WWP1: variants seen among roughly 807,000 people sequenced by gnomAD.
The protein encoded by WWP1 is NEDD4-like E3 ubiquitin-protein ligase WWP1.
WWP1 carries 49 observed loss-of-function variants against 130.6 expected under a neutral mutation model. The ratio of observed to expected loss-of-function variants is 0.38; its 90% CI spans 0.30 to 0.48. The LOEUF (loss-of-function observed/expected upper bound fraction) is 0.48. WWP1 is among the 20% of genes least tolerant of loss of function. The probability of loss-of-function intolerance (pLI) is 0.99; values close to 1 mark genes in which losing one functional copy is unlikely to be tolerated. For missense variants in WWP1, 809 were observed against 1,100.6 expected, an observed-to-expected ratio of 0.74 and a Z score of 3.75; for synonymous variants, 332 against 367.8, an observed-to-expected ratio of 0.90 and a Z score of 1.11.
intron 1 of WWP1, among the ~76,000 whole-genome samples, chr8:86,352,840 C>T (rs1563457681): frequency 6.6e-6 from 1 of 152,214 alleles, no homozygotes; most frequent in Non-Finnish European, 1.5e-5. Context: ...AGAAATGATA[C>T]TGCAAAGAGA....
chr8:86,395,187 C>T (rs780733797), intron 5 of WWP1, among the ~76,000 whole-genome samples: 4 of 152,068 alleles, frequency 2.6e-5, no homozygotes, highest in African/African-American at 9.7e-5. Flanking sequence ...TTTAAGCTAA[C>T]GTCAGAGAAT....
At chr8:86,369,764 T>C (rs1217455762) in intron 2 of WWP1, among the ~76,000 whole-genome samples, 1 of 152,172 alleles carries the variant, frequency 6.6e-6, no homozygotes, top group Non-Finnish European at 1.5e-5. Context: ...GGAAGAAGTG[T>C]CTTTTTCTTG....
chr8:86,403,835 AAG>A (rs1242964100), intron 8 of WWP1, among the ~76,000 whole-genome samples: 4 of 152,174 alleles, frequency 2.6e-5, no homozygotes, highest in African/African-American at 9.7e-5. Context: ...CTAGAAAACA[AAG>A]AGAAGAATAG....
At chr8:86,397,510 T>C (rs971640858) in intron 5 of WWP1, among the ~76,000 whole-genome samples, 2 of 152,208 alleles carry the variant, frequency 1.3e-5, no homozygotes, top group African/African-American at 4.8e-5. Flanking sequence ...TTATTTACTA[T>C]GTACATTACA....
intron 1 of WWP1, among the ~76,000 whole-genome samples, chr8:86,343,737 G>C (rs1047733481): frequency 3.3e-5 from 5 of 152,010 alleles, no homozygotes; most frequent in Admixed American, 3.3e-4. Context: ...TACTCTTTCA[G>C]AATAAAATAT....
intron 4 of WWP1, 84 bp downstream of exon 4, chr8:86,380,948 C>G: frequency 7.3e-7 from 1 of 1,372,296 alleles, no homozygotes; most frequent in Non-Finnish European, 9.5e-7. Flanking sequence ...AAAATGACTT[C>G]AAAGTAATGA....
chr8:86,386,696 G>A (rs1825307405), intron 5 of WWP1: 1 of 152,126 alleles, frequency 6.6e-6, no homozygotes, highest in Non-Finnish European at 1.5e-5. Flanking sequence ...TGTAATGACT[G>A]TAACTGAAGA....
At chr8:86,423,668 C>G (rs953858051) in intron 9 of WWP1, among the ~76,000 whole-genome samples, 3 of 152,204 alleles carry the variant, frequency 2.0e-5, no homozygotes, top group African/African-American at 7.2e-5. Flanking sequence ...ATCTTTTCCC[C>G]ACATTTCCCC....
chr8:86,372,488 A>G (rs866856493), intron 2 of WWP1, among the ~76,000 whole-genome samples: 1 of 152,214 alleles, frequency 6.6e-6, no homozygotes, highest in East Asian at 1.9e-4. Context: ...CTGTCTCTTA[A>G]GAAATCCTTC....
chr8:86,351,437 C>T (rs1269854336), intron 1 of WWP1, among the ~76,000 whole-genome samples: 1 of 151,846 alleles, frequency 6.6e-6, no homozygotes, highest in Non-Finnish European at 1.5e-5. Context: ...CTCGGGGGCT[C>T]AAGCAATCCT....
At position 86,431,664 on chromosome 8, in the gene WWP1, C is replaced by A. The variant is rs751644854; in HGVS notation, c.1522C>A (p.Arg508Ser). The change falls in exon 14 of 25, where the codon CGT (arginine) becomes AGT (serine). Residue 508 changes from arginine to serine, a missense_variant. Physicochemically the swap from Arg to Ser is moderately radical, Grantham distance 110. This residue lies in a region of WWP1 where 450 missense variants were observed against 674.2 expected (regional missense o/e 0.67). Coordinates refer to ENST00000517970, the MANE Select transcript of WWP1 (RefSeq NM_007013.4). The part of the protein sequence containing the change: ...LPEGWEIRYT[R>S]EGVRYFVDHN... ...AGAAGGCTGGGAAATTAGATATACT[C>A]GTGAAGGTGTAAGGTACTTTGTTGA... 9 of 1,613,832 alleles carry A rather than the reference C, an allele frequency of 5.6e-6. No individual in the cohort carries two copies.
At chr8:86,348,677 C>A (rs1181710831) in intron 1 of WWP1, among the ~76,000 whole-genome samples, 1 of 152,176 alleles carries the variant, frequency 6.6e-6, no homozygotes, top group Non-Finnish European at 1.5e-5. Flanking sequence ...CTAACATTAA[C>A]AAGGGCATAG....
At chr8:86,401,033 G>A (rs56395805) in intron 7 of WWP1, among the ~76,000 whole-genome samples, 47,774 of 148,810 alleles carry the variant, frequency 0.32, 9,099 homozygotes, top group Middle Eastern at 0.46. Context: ...TTTAAACACT[G>A]TGTCTCACCA....
In WWP1 at chr8:86,374,079, C is replaced by T. The variant is rs1397544815; in HGVS notation, c.29C>T (p.Thr10Ile). The change falls in exon 3 of 25, where the codon ACT becomes ATT. Residue 10 changes from threonine (T) to isoleucine (I), a missense_variant. Thr to Ile is a moderately conservative substitution (Grantham distance 89, BLOSUM62 -1). This residue lies in a region of WWP1 where 262 missense variants were observed against 346.0 expected (regional missense o/e 0.76). Transcript: ENST00000517970. MATASPRSD[T>I]SNNHSGRLQL... ...GCCACTGCTTCACCAAGGTCTGATA[C>T]TAGTAATAACCACAGTGGAAGGTTG... 2 of 1,610,066 alleles carry T rather than the reference C, an allele frequency of 1.2e-6. No individual in the cohort carries two copies. Among genetic ancestry groups the T allele is most frequent in the Non-Finnish European group, 1.7e-6 (2 of 1,178,610 alleles).
At chr8:86,452,088 C>T (rs1157545069) in intron 20 of WWP1, among the ~76,000 whole-genome samples, 1 of 152,110 alleles carries the variant, frequency 6.6e-6, no homozygotes, top group Non-Finnish European at 1.5e-5. Context: ...CTGAGACAAT[C>T]CCTTGCCTTG....
At chr8:86,418,108 TA>T (rs916458489) in intron 9 of WWP1, among the ~76,000 whole-genome samples, 5 of 151,658 alleles carry the variant, frequency 3.3e-5, no homozygotes, top group East Asian at 3.8e-4. Flanking sequence ...CAGTTGCTTT[TA>T]AAAAAAAACT....
intron 5 of WWP1, among the ~76,000 whole-genome samples, chr8:86,389,858 G>C (rs1181143954): frequency 6.6e-6 from 1 of 151,816 alleles, no homozygotes. Flanking sequence ...TTCCCAGATG[G>C]GGCGGCTGGC....
Position 86,392,848 on chromosome 8 carries a change from G to A in WWP1, c.335-5494G>A, listed in dbSNP as rs112327737. ...GATGTAAGTGCCTCTTTATTCTTTC[G>A]AAAATTTTTTTGTATTGAAATTACT... On this transcript the variant is annotated intron_variant, in intron 5 of 24. Coordinates refer to ENST00000517970, the MANE Select transcript of WWP1 (RefSeq NM_007013.4). Among the ~76,000 whole-genome samples, 364 of 152,146 alleles carry A rather than the reference G, an allele frequency of 2.4e-3. 5 individuals carry two copies. Among genetic ancestry groups the A allele is most frequent in the African/African-American group, 8.0e-3 (333 of 41,534 alleles).
intron 9 of WWP1, among the ~76,000 whole-genome samples, chr8:86,419,065 G>T (rs1809049101): frequency 6.6e-6 from 1 of 152,052 alleles, no homozygotes; most frequent in Non-Finnish European, 1.5e-5. Flanking sequence ...GATATCTGAG[G>T]GAAACCTCTT....
Sources: allele counts gnomAD v4.1 joint callset (sites outside exome capture counted in the v4.1 genomes callset), GRCh38; gene constraint gnomAD v4.1.1; regional missense constraint gnomAD v4.1.1; transcripts MANE v1.5; gene names NCBI Gene and HGNC (gene_info 2026-07-23, HGNC 2026-07-21).